Variants in UNC13C observed in about 807,000 individuals in gnomAD.
UNC13C encodes unc-13 homolog C, also known as protein unc-13 homolog C.
UNC13C carries 174 observed loss-of-function variants against 245.4 expected under a neutral mutation model. The observed-to-expected ratio is 0.71, with a 90% CI of 0.63 to 0.80. The LOEUF is 0.80. Among genes scored for constraint, UNC13C ranks in the 30% least tolerant of loss-of-function variants. UNC13C has a pLI of 0.00. For missense variants in UNC13C, 2,829 were observed against 2,602.9 expected (o/e 1.09, Z -1.89); for synonymous variants, 992 against 895.1 (o/e 1.11, Z -1.93).
chr15:54,206,379 C>T (rs2034708623), intron 4 of UNC13C, among the ~76,000 whole-genome samples: 1 of 151,944 alleles, frequency 6.6e-6, no homozygotes, highest in South Asian at 2.1e-4. Flanking sequence ...GAGATTTTTT[C>T]CCATTGGAAT....
chr15:53,893,992 C>T, the UNC13C span, among the ~76,000 whole-genome samples: 1 of 152,228 alleles, frequency 6.6e-6, no homozygotes, highest in Non-Finnish European at 1.5e-5. Context: ...AGGGAATCTG[C>T]TGGTCTGTGG....
Position 54,250,266 on chromosome 15 carries a change from C to T in UNC13C, c.3270C>T (p.Tyr1090=), listed in dbSNP as rs1364288392. Residue 1090 remains tyrosine, a synonymous_variant, in exon 8 of 33, where the codon TAC becomes TAT. Transcript: ENST00000260323. ...VFKKTLQALI[Y]PMSSTIPHNF... ...AGAAGACCTTGCAGGCACTGATCTA[C>T]CCTATGTCTTCTACCATCCCACACA... The T allele has an allele frequency of 1.9e-6, 3 of 1,613,854 alleles. No homozygotes were observed. The African/African-American group carries it at 4.0e-5, about 22-fold the overall frequency.
chr15:54,160,434 G>A (rs1193206122), intron 4 of UNC13C, among the ~76,000 whole-genome samples: 1 of 150,244 alleles, frequency 6.7e-6, no homozygotes, highest in Non-Finnish European at 1.5e-5. Flanking sequence ...TATGACACAT[G>A]CTTGTTTCAT....
intron 1 of UNC13C, among the ~76,000 whole-genome samples, chr15:54,006,812 C>G (rs1895157408): frequency 6.6e-6 from 1 of 152,184 alleles, no homozygotes; most frequent in Non-Finnish European, 1.5e-5. Context: ...CTGGCTTGCC[C>G]TTCCATCTCC....
chr15:54,258,759 G>C (rs530903108), intron 8 of UNC13C, among the ~76,000 whole-genome samples: 1 of 152,238 alleles, frequency 6.6e-6, no homozygotes, highest in South Asian at 2.1e-4. Context: ...AGCTATATGT[G>C]TTATCTCATT....
chr15:54,557,600 T>C (rs1026553665), intron 29 of UNC13C, among the ~76,000 whole-genome samples: 4 of 151,576 alleles, frequency 2.6e-5, no homozygotes, highest in Non-Finnish European at 5.9e-5. Context: ...AGGAGCACTA[T>C]AATGCAAGCA....
At chr15:54,322,248 C>T (rs533737893) in intron 14 of UNC13C, among the ~76,000 whole-genome samples, 153 bp downstream of exon 14, 1 of 152,098 alleles carries the variant, frequency 6.6e-6, no homozygotes, top group Non-Finnish European at 1.5e-5. Context: ...TCATTTGAAA[C>T]ATTTTTAGTA....
Position 54,622,342 on chromosome 15 carries a change from A to G in UNC13C, c.6122A>G (p.Asp2041Gly). The G allele has an allele frequency of 6.2e-7, 1 of 1,613,234 alleles. No homozygotes were observed. Among genetic ancestry groups the G allele is most frequent in the Admixed American group, 1.7e-5 (1 of 59,932 alleles). ...TQTSQSRSSK[D>G]AVGQISVHVD... ...TTATTTTCAGGTCGTTCCTCCAAAG[A>G]TGCCGTGGGTCAGATATCTGTTCAT... is the stretch of plus-strand genomic sequence containing the variant. The change falls in exon 31 of 33, where the codon GAT becomes GGT. Residue 2041 changes from aspartate (D) to glycine (G), a missense_variant. Transcript: ENST00000260323.
At chr15:54,274,997 T>C (rs1000657947) in intron 10 of UNC13C, among the ~76,000 whole-genome samples, 3 of 152,028 alleles carry the variant, frequency 2.0e-5, no homozygotes, top group Non-Finnish European at 4.4e-5. Context: ...ATATCAAAAA[T>C]GATAAATCCT....
chr15:54,135,031 C>T (rs952400603), intron 2 of UNC13C, among the ~76,000 whole-genome samples: 2 of 152,016 alleles, frequency 1.3e-5, no homozygotes, highest in African/African-American at 4.8e-5. Flanking sequence ...GGTGATATCT[C>T]ATTTTGGTTT....
At chr15:54,220,394 A>G (rs1396289817) in intron 4 of UNC13C, among the ~76,000 whole-genome samples, 1 of 145,942 alleles carries the variant, frequency 6.9e-6, no homozygotes, top group African/African-American at 2.6e-5. Flanking sequence ...GGAATTGAAC[A>G]ATGAGAACAC....
intron 13 of UNC13C, among the ~76,000 whole-genome samples, chr15:54,315,968 T>C (rs1207437285): frequency 1.3e-5 from 2 of 151,826 alleles, no homozygotes; most frequent in African/African-American, 4.8e-5. Context: ...CTTCTCTTCA[T>C]AGCCTCCTAA....
intron 17 of UNC13C, among the ~76,000 whole-genome samples, chr15:54,362,987 G>A (rs6493678): frequency 0.47 from 71,474 of 151,914 alleles, 17,169 homozygotes; most frequent in East Asian, 0.73. Flanking sequence ...AGAGAATATT[G>A]CAAATAAAGA....
At chr15:54,557,731 A>G (rs1436946875) in intron 29 of UNC13C, among the ~76,000 whole-genome samples, 1 of 152,064 alleles carries the variant, frequency 6.6e-6, no homozygotes, top group East Asian at 1.9e-4. Context: ...TGAATAAGCT[A>G]GAAATGAGAA....
chr15:54,242,738 A>G (rs1344413544), intron 7 of UNC13C, among the ~76,000 whole-genome samples: 1 of 152,212 alleles, frequency 6.6e-6, no homozygotes, highest in Non-Finnish European at 1.5e-5. Context: ...AATATTTACA[A>G]CATAAGTGAA....
chr15:54,502,399 C>A (rs955463581), intron 22 of UNC13C, among the ~76,000 whole-genome samples: 1 of 152,124 alleles, frequency 6.6e-6, no homozygotes, highest in South Asian at 2.1e-4. Context: ...ATGAAATATT[C>A]TGATCTCATC....
intron 17 of UNC13C, among the ~76,000 whole-genome samples, chr15:54,353,532 C>T (rs1172265254): frequency 6.6e-6 from 1 of 152,146 alleles, no homozygotes; most frequent in African/African-American, 2.4e-5. Context: ...TTTTTCATCG[C>T]AGCGAAGAGG....
At chr15:54,167,336 A>G (rs1361228214) in intron 4 of UNC13C, among the ~76,000 whole-genome samples, 1 of 151,772 alleles carries the variant, frequency 6.6e-6, no homozygotes, top group Non-Finnish European at 1.5e-5. Context: ...CCCCGTCTCT[A>G]CTGAAAATAC....
rs932929635 is a variant in UNC13C, at chr15:54,135,102, T to C, written c.2984-7916T>C. On this transcript the variant is annotated intron_variant, in intron 2 of 32. Transcript: ENST00000260323. ...CACCTTTTTAAATGTGTATTAGCCA[T>C]TAATGTCTTTTTTGAAAAAAATACC... Among the ~76,000 whole-genome samples the C allele has an allele frequency of 4.6e-5, 7 of 152,198 alleles. No homozygotes were observed. In the South Asian group the frequency reaches 1.4e-3, roughly 31 times the overall value.
Sources: gnomAD v4.1 joint callset for allele counts (sites outside exome capture counted in the v4.1 genomes callset) on GRCh38, gnomAD v4.1.1 for gene constraint, MANE v1.5 for transcripts, NCBI Gene and HGNC (gene_info 2026-07-23, HGNC 2026-07-21) for gene names.